Variants in COLEC11 observed in about 807,000 individuals in gnomAD.
COLEC11 encodes the protein collectin-11.
A neutral mutation model predicts 27.3 loss-of-function variants in COLEC11; 20 were observed. That is an observed-to-expected ratio of 0.73 (90% CI 0.51 to 1.06). COLEC11 has a LOEUF of 1.06. Among genes scored for constraint, COLEC11 ranks in the 50% least tolerant of loss-of-function variants. COLEC11 has a pLI of 0.00. For synonymous variants in COLEC11, 163 were observed against 154.7 expected (o/e 1.05, Z -0.40); for missense variants, 310 against 383.0 (o/e 0.81, Z 1.59).
At chr2:3,636,002 C>T (rs1184860397) in intron 3 of COLEC11, among the ~76,000 whole-genome samples, 1 of 152,260 alleles carries the variant, frequency 6.6e-6, no homozygotes, top group Non-Finnish European at 1.5e-5. Flanking sequence ...TCACTGAAGT[C>T]TGTGTTCCAT....
intron 3 of COLEC11, among the ~76,000 whole-genome samples, chr2:3,636,749 G>A (rs1665443674): frequency 6.6e-6 from 1 of 152,142 alleles, no homozygotes; most frequent in Non-Finnish European, 1.5e-5. Flanking sequence ...TTGCGGGAGG[G>A]AGTACTGAGA....
chr2:3,613,774 T>C (rs1255682311), intron 3 of COLEC11, among the ~76,000 whole-genome samples: 2 of 152,136 alleles, frequency 1.3e-5, no homozygotes, highest in Non-Finnish European at 2.9e-5. Context: ...GTCTCCTCCT[T>C]CGTAAAGTCG....
chr2:3,602,284 T>C lies in COLEC11; in HGVS notation c.-26-2031T>C, dbSNP rs919486113. ...CCCCCAAGCCTTGCAAACCGAACCA[T>C]TGCTCCACCCACTGGGTCACATAGG... On this transcript the variant is annotated intron_variant, in intron 1 of 6. Transcript: ENST00000349077. This position sits in a 1 kb window ranked among gnomAD's most constrained non-coding sequence, Gnocchi z 6.2. Among the ~76,000 whole-genome samples, 1 of 152,012 alleles carries C rather than the reference T, an allele frequency of 6.6e-6. No homozygotes were observed.
In COLEC11 at chr2:3,611,873, C is replaced by CA. The variant is rs568226570; in HGVS notation, c.131-1436dup. ...TCTCCAAGACAAGGTGTGTGGGCCA[C>CA]AACGTGTGTGGGCGGCAAGCCGTCC... On this transcript the variant is annotated intron_variant, in intron 2 of 6. Coordinates refer to ENST00000349077, the MANE Select transcript of COLEC11 (RefSeq NM_024027.5). Among the ~76,000 whole-genome samples, 149 of 152,228 alleles carry CA rather than the reference C, an allele frequency of 9.8e-4. 1 individual carries two copies. The highest frequency in any genetic ancestry group is 3.4e-3 in the African/African-American group (143 of 41,568).
intron 3 of COLEC11, among the ~76,000 whole-genome samples, chr2:3,622,207 G>A (rs941497995): frequency 1.3e-5 from 2 of 151,634 alleles, no homozygotes; most frequent in Non-Finnish European, 2.9e-5. Context: ...TAGCTGGGTG[G>A]TATGTGCCTG....
intron 3 of COLEC11, among the ~76,000 whole-genome samples, chr2:3,621,617 T>G (rs190218603): frequency 2.5e-3 from 384 of 152,356 alleles, no homozygotes; most frequent in Middle Eastern, 0.017. Context: ...CTTTGTTTCC[T>G]TCTTCCTCTC....
chr2:3,603,081 C>T (rs1480189873), intron 1 of COLEC11, among the ~76,000 whole-genome samples: 4 of 152,246 alleles, frequency 2.6e-5, no homozygotes, highest in Non-Finnish European at 5.9e-5. Flanking sequence ...CAGGAAGTAT[C>T]CGGAAGCATG....
chr2:3,628,094 G>C (rs978145830), intron 3 of COLEC11, among the ~76,000 whole-genome samples: 15 of 152,258 alleles, frequency 9.9e-5, no homozygotes, highest in African/African-American at 3.6e-4. Context: ...TGCGTCTTCA[G>C]GTCCTAGCAT....
At chr2:3,612,891 TC>T (rs1455862092) in intron 2 of COLEC11, among the ~76,000 whole-genome samples, 2 of 152,050 alleles carry the variant, frequency 1.3e-5, no homozygotes, top group Non-Finnish European at 2.9e-5. Context: ...AGTTCATCCT[TC>T]CCTGAGTACC....
At chr2:3,635,525 C>T (rs534006341) in intron 3 of COLEC11, among the ~76,000 whole-genome samples, 44 of 152,312 alleles carry the variant, frequency 2.9e-4, no homozygotes, top group Non-Finnish European at 5.3e-4. Context: ...GCTCTGAGGA[C>T]GGACGAGGAA....
At chr2:3,641,252 C>T (rs979545828) in intron 5 of COLEC11, 5 of 1,304,308 alleles carry the variant, frequency 3.8e-6, no homozygotes, top group Non-Finnish European at 5.1e-6. Context: ...CCTTCGGCAC[C>T]GCAGAGATGA....
At chr2:3,627,646 CATA>C (rs1339720184) in intron 3 of COLEC11, among the ~76,000 whole-genome samples, 1 of 147,384 alleles carries the variant, frequency 6.8e-6, no homozygotes. Flanking sequence ...TGGATCTGGG[CATA>C]ATGACTCTGG....
chr2:3,636,266 C>A (rs970777205), intron 3 of COLEC11, among the ~76,000 whole-genome samples: 1 of 152,206 alleles, frequency 6.6e-6, no homozygotes, highest in Non-Finnish European at 1.5e-5. Context: ...ACCATCCTGG[C>A]TAACATAGTG....
At chr2:3,613,225 G>A (rs913885858) in intron 2 of COLEC11, 86 bp from the exon 3 acceptor site, 20 of 1,416,810 alleles carry the variant, frequency 1.4e-5, no homozygotes, top group Non-Finnish European at 1.9e-5. Flanking sequence ...CGGGGAGAAC[G>A]CTTCTAACTG....
chr2:3,609,697 T>G (rs1319575343), intron 2 of COLEC11, among the ~76,000 whole-genome samples: 2 of 152,122 alleles, frequency 1.3e-5, no homozygotes, highest in Non-Finnish European at 2.9e-5. Flanking sequence ...GCCTGGCTAA[T>G]TTTTGTATTT....
In COLEC11 at chr2:3,601,637, G is replaced by A. The variant is rs186453747; in HGVS notation, c.-26-2678G>A. Among the ~76,000 whole-genome samples, 362 of 152,224 alleles carry A rather than the reference G, an allele frequency of 2.4e-3. 1 individual carries two copies. The highest frequency in any genetic ancestry group is 3.4e-3 in the Non-Finnish European group (233 of 68,020). On this transcript the variant is annotated intron_variant, in intron 1 of 6. Coordinates refer to ENST00000349077, the MANE Select transcript of COLEC11 (RefSeq NM_024027.5). ...TCCCCCGAGCCATTCTTGGACATCC[G>A]GGATGAGAGACGGCTTCAGCTTTAA...
At chr2:3,615,974 T>C (rs568423245) in intron 3 of COLEC11, among the ~76,000 whole-genome samples, 2,715 of 146,828 alleles carry the variant, frequency 0.018, 124 homozygotes, top group African/African-American at 0.065. Flanking sequence ...GGGCGGCTGC[T>C]GGGTGGAGGG....
At chr2:3,606,331 C>T in intron 2 of COLEC11, 3 of 1,172,248 alleles carry the variant, frequency 2.6e-6, no homozygotes, top group Admixed American at 4.1e-5. Flanking sequence ...TGGGAGGGTC[C>T]TTCCCAGCTG....
intron 3 of COLEC11, chr2:3,625,920 G>T: frequency 8.4e-7 from 1 of 1,191,194 alleles, no homozygotes. Context: ...GGCATGAGCC[G>T]CCATACCTGG....
Sources: gnomAD v4.1 joint callset for allele counts (sites outside exome capture counted in the v4.1 genomes callset) on GRCh38, gnomAD v4.1.1 for gene constraint, Gnocchi (gnomAD v3.1) non-coding constraint, MANE v1.5 for transcripts, NCBI Gene and HGNC (gene_info 2026-07-23, HGNC 2026-07-21) for gene names.